TANC2: variants seen among roughly 807,000 people sequenced by gnomAD.
TANC2 encodes the protein protein TANC2.
Under a neutral mutation model 210.5 loss-of-function variants are expected in TANC2, and 26 were observed. That is an observed-to-expected ratio of 0.12 (90% CI 0.09 to 0.17). The LOEUF (loss-of-function observed/expected upper bound fraction) is 0.17. Ranked by LOEUF, TANC2 falls within the 10% of genes least tolerant of loss-of-function variation. The pLI is 1.00. For synonymous variants in TANC2, 931 were observed against 967.1 expected (o/e 0.96, Z 0.69); for missense variants, 2,129 against 2,608.9 (o/e 0.82, Z 4.01).
intron 7 of TANC2, among the ~76,000 whole-genome samples, chr17:63,231,195 A>G (rs1398034968): frequency 1.3e-5 from 2 of 152,070 alleles, no homozygotes; most frequent in Admixed American, 1.3e-4. Context: ...AATACAGCAT[A>G]CCAAGGGGTC....
intron 2 of TANC2, among the ~76,000 whole-genome samples, chr17:63,026,463 G>A (rs116978389): frequency 5.3e-5 from 8 of 152,180 alleles, no homozygotes; most frequent in Admixed American, 3.3e-4. Context: ...AGAAGTGACA[G>A]TAGGAATAAA....
intron 4 of TANC2, among the ~76,000 whole-genome samples, chr17:63,100,072 A>G (rs972501333): frequency 5.3e-5 from 8 of 152,166 alleles, no homozygotes; most frequent in African/African-American, 1.9e-4. Flanking sequence ...AGCATTATCA[A>G]TATATCCCTG....
chr17:63,229,764 G>GT, intron 7 of TANC2, among the ~76,000 whole-genome samples: 1 of 142,516 alleles, frequency 7.0e-6, no homozygotes, highest in African/African-American at 2.6e-5. Flanking sequence ...TCTAATGATT[G>GT]TTTGTATTTT....
intron 2 of TANC2, among the ~76,000 whole-genome samples, chr17:63,070,984 A>AG (rs1212493308): frequency 6.6e-6 from 1 of 152,178 alleles, no homozygotes. Flanking sequence ...TGAGTTAAAA[A>AG]TGTTTCCATC....
intron 4 of TANC2, 114 bp downstream of exon 4, chr17:63,099,471 T>A: frequency 1.5e-6 from 1 of 660,850 alleles, no homozygotes; most frequent in Non-Finnish European, 2.2e-6. Flanking sequence ...CTGGCCTTCC[T>A]AATGTCACAG....
At chr17:63,212,564 T>C (rs1379744158) in intron 7 of TANC2, among the ~76,000 whole-genome samples, 1 of 152,076 alleles carries the variant, frequency 6.6e-6, no homozygotes, top group Non-Finnish European at 1.5e-5. Context: ...ATTAGGAAAA[T>C]GGAATGTCCT....
At chr17:63,045,711 C>T (rs1211837397) in intron 2 of TANC2, among the ~76,000 whole-genome samples, 1 of 152,066 alleles carries the variant, frequency 6.6e-6, no homozygotes, top group Non-Finnish European at 1.5e-5. Context: ...TTTATCATCC[C>T]AGCTTTCTCA....
At chr17:63,167,842 A>G (rs954131084) in intron 5 of TANC2, among the ~76,000 whole-genome samples, 6 of 134,908 alleles carry the variant, frequency 4.4e-5, no homozygotes, top group Non-Finnish European at 6.1e-5. Flanking sequence ...CCGAGATCGC[A>G]CCACTGCACT....
At chr17:63,185,633 G>A (rs1282547898) in intron 5 of TANC2, among the ~76,000 whole-genome samples, 1 of 152,190 alleles carries the variant, frequency 6.6e-6, no homozygotes, top group African/African-American at 2.4e-5. Flanking sequence ...CAGCACAGCA[G>A]TGTTTCAGTG....
intron 11 of TANC2, among the ~76,000 whole-genome samples, chr17:63,319,735 A>G (rs2045435249): frequency 6.6e-6 from 1 of 152,224 alleles, no homozygotes; most frequent in Admixed American, 6.5e-5. Flanking sequence ...TCTTCGTGCT[A>G]TACTACCCTG....
chr17:63,299,009 G>T (rs2044624574), intron 9 of TANC2, among the ~76,000 whole-genome samples: 1 of 152,082 alleles, frequency 6.6e-6, no homozygotes, highest in Non-Finnish European at 1.5e-5. Flanking sequence ...ACTTATGAGT[G>T]AGAACATGCA....
At chr17:63,369,186 T>C (rs1477017958) in intron 14 of TANC2, among the ~76,000 whole-genome samples, 2 of 152,194 alleles carry the variant, frequency 1.3e-5, no homozygotes, top group Non-Finnish European at 2.9e-5. Flanking sequence ...TTAATCTTAC[T>C]GAAAATACCA....
chr17:63,002,318 C>T (rs2033423096), intron 1 of TANC2, among the ~76,000 whole-genome samples: 2 of 152,188 alleles, frequency 1.3e-5, no homozygotes, highest in African/African-American at 4.8e-5. Flanking sequence ...ATCTCCAAGC[C>T]ATTAACAGCT....
chr17:63,283,758 T>C (rs185786301), intron 9 of TANC2, among the ~76,000 whole-genome samples: 24 of 152,128 alleles, frequency 1.6e-4, no homozygotes, highest in African/African-American at 5.3e-4. Context: ...GTAAATGATA[T>C]TGCTTTTAGC....
intron 5 of TANC2, among the ~76,000 whole-genome samples, chr17:63,171,346 G>A (rs1296150883): frequency 2.0e-5 from 3 of 152,046 alleles, no homozygotes; most frequent in Non-Finnish European, 4.4e-5. Flanking sequence ...GCCTCCCAAA[G>A]TGCTGGGATT....
intron 3 of TANC2, among the ~76,000 whole-genome samples, chr17:63,078,455 T>G (rs575193017): frequency 6.6e-6 from 1 of 152,250 alleles, no homozygotes; most frequent in East Asian, 1.9e-4. Flanking sequence ...TTCTGCCTGC[T>G]TTGGGTTTAA....
At chr17:63,086,563 T>C (rs1424994053) in intron 3 of TANC2, among the ~76,000 whole-genome samples, 3 of 152,336 alleles carry the variant, frequency 2.0e-5, no homozygotes, top group Admixed American at 1.3e-4. Context: ...CATCTACTTA[T>C]ATTACTCATC....
At chr17:63,297,212 G>A (rs1397815176) in intron 9 of TANC2, among the ~76,000 whole-genome samples, 1 of 152,108 alleles carries the variant, frequency 6.6e-6, no homozygotes, top group Non-Finnish European at 1.5e-5. Context: ...GAATGGAAAA[G>A]GAAATTCTCA....
At chr17:63,402,077 T>A (rs1314730153) in intron 19 of TANC2, among the ~76,000 whole-genome samples, 1 of 152,262 alleles carries the variant, frequency 6.6e-6, no homozygotes, top group Non-Finnish European at 1.5e-5. Flanking sequence ...AGTCCTTTAA[T>A]GTAGCATAAA....
Sources: allele counts gnomAD v4.1 joint callset (sites outside exome capture counted in the v4.1 genomes callset), GRCh38; gene constraint gnomAD v4.1.1; transcripts MANE v1.5; gene names NCBI Gene and HGNC (gene_info 2026-07-23, HGNC 2026-07-21).